DHTKD1: variants seen among roughly 807,000 people sequenced by gnomAD.
DHTKD1 encodes the protein 2-oxoadipate dehydrogenase complex component E1.
In DHTKD1, 78 loss-of-function variants were observed where a neutral mutation model predicts 101.8. The ratio of observed to expected loss-of-function variants is 0.77; its 90% CI spans 0.64 to 0.93. The LOEUF is 0.93. Among genes scored for constraint, DHTKD1 ranks in the 40% least tolerant of loss-of-function variants. The pLI is 0.00. For synonymous variants in DHTKD1, 462 were observed against 450.3 expected (o/e 1.03, Z -0.33); for missense variants, 1,223 against 1,161.7 (o/e 1.05, Z -0.77).
Position 12,103,215 on chromosome 10 carries a change from G to C in DHTKD1, c.1896+2034G>C, listed in dbSNP as rs759831212. Among the ~76,000 whole-genome samples the C allele has an allele frequency of 3.2e-4, 48 of 152,110 alleles. No individual in the cohort carries two copies. Among genetic ancestry groups the C allele is most frequent in the Non-Finnish European group, 6.3e-4 (43 of 68,032 alleles). Reference sequence around the variant, plus strand: ...AGTTTGGGCAACAGAGCAAGACTCTGTCTCAAATAATAATAAGAGTAATTT... The same window carrying C: ...AGTTTGGGCAACAGAGCAAGACTCTCTCTCAAATAATAATAAGAGTAATTT... On this transcript the variant is annotated intron_variant, in intron 10 of 16. Coordinates refer to ENST00000263035, the MANE Select transcript of DHTKD1 (RefSeq NM_018706.7). This position sits in a 1 kb window ranked among gnomAD's most constrained non-coding sequence, Gnocchi z 4.8.
intron 1 of DHTKD1, 29 bp downstream of exon 1, chr10:12,069,216 C>A (rs1446456798): frequency 2.6e-5 from 32 of 1,247,208 alleles, no homozygotes; most frequent in Non-Finnish European, 3.2e-5. Flanking sequence ...GCGGTGGGAG[C>A]GGGGGCTGGG....
At chr10:12,077,026 A>C (rs1212683384) in intron 1 of DHTKD1, among the ~76,000 whole-genome samples, 1 of 149,122 alleles carries the variant, frequency 6.7e-6, no homozygotes, top group Non-Finnish European at 1.5e-5. Flanking sequence ...GGCAATTTCT[A>C]CATAGGATTA....
Position 12,122,103 on chromosome 10 carries a change from G to A in DHTKD1, c.*1215G>A, listed in dbSNP as rs1833535407. 6.6e-6 allele frequency: 1 copy of A among 152,142 alleles called. No individual in the cohort carries two copies. The highest frequency in any genetic ancestry group is 2.4e-5 in the African/African-American group (1 of 41,450). The allele number at this position is 152,142 out of a possible 1,614,324, so 9.4% of individuals were successfully genotyped here. On this transcript the variant is annotated 3_prime_UTR_variant, in exon 17 of 17. Transcript: ENST00000263035. ...ACTAAATACAAATCTCTGGGTGGAT[G>A]ATCTTCTAGTACTGTATTTTTAAAT... is the stretch of plus-strand genomic sequence containing the variant.
Position 12,097,681 on chromosome 10 carries a change from C to G in DHTKD1, c.1359-3C>G. ...ATTTTTGTTTCTTCTCTTTCTTGGG[C>G]AGAGCTCGAAAGAGCATTCCAGACA... On this transcript the variant is annotated splice_region_variant and splice_polypyrimidine_tract_variant and intron_variant, in intron 7 of 16. Transcript: ENST00000263035. 6.2e-7 allele frequency: 1 copy of G among 1,603,030 alleles called. No individual in the cohort carries two copies. Among genetic ancestry groups the G allele is most frequent in the East Asian group, 2.2e-5 (1 of 44,852 alleles).
Position 12,091,655 on chromosome 10 carries a change from G to A in DHTKD1, c.1130G>A (p.Gly377Glu). ...GGTTACACCACTCCAGCTGAAAGAG[G>A]AAGGTCTTCTTTATACTGCAGTGAT... ...QLGYTTPAER[G>E]RSSLYCSDIG... Residue 377 changes from glycine (G) to glutamate (E), a missense_variant, in exon 6 of 17, where the codon GGA (glycine) becomes GAA (glutamate). Transcript: ENST00000263035. The A allele has an allele frequency of 6.2e-7, 1 of 1,613,964 alleles. No individual in the cohort carries two copies. Among genetic ancestry groups the A allele is most frequent in the African/African-American group, 1.3e-5 (1 of 75,014 alleles).
chr10:12,122,826 A>G lies in DHTKD1; in HGVS notation c.*1938A>G, dbSNP rs1014119793. ...TGACTCAGTGCTGGGGGCCTCTACC[A>G]TCTACTGTGCTTGTGTCATGATGCT... is the stretch of plus-strand genomic sequence containing the variant. On this transcript the variant is annotated 3_prime_UTR_variant, in exon 17 of 17. Coordinates refer to ENST00000263035, the MANE Select transcript of DHTKD1 (RefSeq NM_018706.7). 6.6e-6 allele frequency: 1 copy of G among 152,138 alleles called. No individual in the cohort carries two copies. Among genetic ancestry groups the G allele is most frequent in the African/African-American group, 2.4e-5 (1 of 41,398 alleles). The allele number at this position is 152,138 out of a possible 1,614,324, so 9.4% of individuals were successfully genotyped here.
At position 12,097,997 on chromosome 10, in the gene DHTKD1, G is replaced by A. The variant is rs765675933; in HGVS notation, c.1671+1G>A. The A allele has an allele frequency of 1.1e-5, 17 of 1,594,130 alleles. 2 individuals are homozygous for A. Among genetic ancestry groups the A allele is most frequent in the Middle Eastern group, 1.7e-4 (1 of 5,974 alleles). On this transcript the variant is annotated splice_donor_variant, in intron 8 of 16. Coordinates refer to ENST00000263035, the MANE Select transcript of DHTKD1 (RefSeq NM_018706.7). LOFTEE classifies it high-confidence loss of function. ...TCACCTGCTGAAGACACATGTTCAG[G>A]TGGGCAGCCTCCAAATGGCTGGTTA...
At chr10:12,082,063 G>T (rs1030852027) in intron 2 of DHTKD1, among the ~76,000 whole-genome samples, 2 of 151,752 alleles carry the variant, frequency 1.3e-5, no homozygotes, top group Admixed American at 1.3e-4. Flanking sequence ...GGAGGTCAAG[G>T]CTGCAGTGAG....
intron 6 of DHTKD1, among the ~76,000 whole-genome samples, chr10:12,092,679 T>C (rs1013794393): frequency 6.6e-6 from 1 of 151,890 alleles, no homozygotes; most frequent in East Asian, 2.0e-4. Flanking sequence ...GGTGCATGCC[T>C]GTAATCCCAG....
At chr10:12,118,487 A>C (rs1215006775) in intron 14 of DHTKD1, among the ~76,000 whole-genome samples, 1 of 148,692 alleles carries the variant, frequency 6.7e-6, no homozygotes, top group Non-Finnish European at 1.5e-5. Flanking sequence ...GGTTCACGCC[A>C]TTCTCCTGCC....
At chr10:12,091,366 C>G (rs560470755) in intron 5 of DHTKD1, 147 bp from the exon 6 acceptor site, 47 of 535,930 alleles carry the variant, frequency 8.8e-5, no homozygotes, top group South Asian at 3.4e-4. Context: ...GAGCTGAGAT[C>G]GTGCCATTTC....
intron 5 of DHTKD1, 37 bp from the exon 6 acceptor site, chr10:12,091,476 T>C (rs1462754668): frequency 6.7e-7 from 1 of 1,490,498 alleles, no homozygotes; most frequent in Non-Finnish European, 9.0e-7. Context: ...CTTATGTTTC[T>C]TTTCTCCCCA....
At chr10:12,070,113 GTTTC>G (rs1226821363) in intron 1 of DHTKD1, among the ~76,000 whole-genome samples, 3 of 152,166 alleles carry the variant, frequency 2.0e-5, no homozygotes, top group Admixed American at 2.0e-4. Flanking sequence ...TGCTGGTGGG[GTTTC>G]TTTCTTTTCC....
chr10:12,069,295 C>CG, intron 1 of DHTKD1, 108 bp downstream of exon 1: 1 of 486,700 alleles, frequency 2.1e-6, no homozygotes, highest in Non-Finnish European at 3.1e-6. Context: ...CCGGCCTGAA[C>CG]GCGCGGCCGG....
chr10:12,079,855 C>T lies in DHTKD1; in HGVS notation c.155-1617C>T, dbSNP rs982764231. Among the ~76,000 whole-genome samples the T allele has an allele frequency of 9.9e-5, 15 of 152,250 alleles. No homozygotes were observed. In the South Asian group the frequency reaches 3.1e-3, roughly 32 times the overall value. ...ACTAACCCCCAGGCTGAAATCAGTTCGTTTCCTGGGATGGTTTGATTCATT... is the reference window on the plus strand; with the variant it reads ...ACTAACCCCCAGGCTGAAATCAGTTTGTTTCCTGGGATGGTTTGATTCATT... On this transcript the variant is annotated intron_variant, in intron 1 of 16. Coordinates refer to ENST00000263035, the MANE Select transcript of DHTKD1 (RefSeq NM_018706.7).
intron 5 of DHTKD1, among the ~76,000 whole-genome samples, chr10:12,090,428 T>TTCC (rs1334720304): frequency 4.2e-5 from 5 of 119,760 alleles, no homozygotes; most frequent in South Asian, 2.6e-4. Context: ...TTCCTTCCTT[T>TTCC]TTCCTTCCTT....
intron 15 of DHTKD1, among the ~76,000 whole-genome samples, chr10:12,119,290 ACT>A (rs1833475911): frequency 7.0e-6 from 1 of 143,882 alleles, no homozygotes; most frequent in Admixed American, 7.2e-5. Context: ...TGGGCACAAG[ACT>A]CTGTGTCAAA....
intron 15 of DHTKD1, among the ~76,000 whole-genome samples, chr10:12,119,286 C>T (rs549133172): frequency 7.1e-6 from 1 of 140,056 alleles, no homozygotes; most frequent in Non-Finnish European, 1.6e-5. Flanking sequence ...AGCCTGGGCA[C>T]AAGACTCTGT....
rs1832919366 is a variant in DHTKD1, at chr10:12,087,449, T to C, written c.523-86T>C. On this transcript the variant is annotated intron_variant, in intron 3 of 16. Coordinates refer to ENST00000263035, the MANE Select transcript of DHTKD1 (RefSeq NM_018706.7). The surrounding 1 kb of genome is among the most constrained non-coding windows in gnomAD (Gnocchi z 5.2). ...TGGCCACTTGGGGAGTGTGGGGCCA[T>C]CTCACAACACACACAGACTTATCTG... 1 of 1,196,282 alleles carries C rather than the reference T, an allele frequency of 8.4e-7. No individual in the cohort carries two copies. The highest frequency in any genetic ancestry group is 2.4e-5 in the Admixed American group (1 of 42,244). The allele number at this position is 1,196,282 out of a possible 1,614,324, so 74.1% of individuals were successfully genotyped here.
Sources: gnomAD v4.1 joint callset for allele counts (sites outside exome capture counted in the v4.1 genomes callset) on GRCh38, gnomAD v4.1.1 for gene constraint, Gnocchi (gnomAD v3.1) non-coding constraint, MANE v1.5 for transcripts, NCBI Gene and HGNC (gene_info 2026-07-23, HGNC 2026-07-21) for gene names.